ABTB2: variants seen among roughly 807,000 people sequenced by gnomAD.
The protein encoded by ABTB2 is ankyrin repeat and BTB/POZ domain-containing protein 2.
ABTB2 carries 56 observed loss-of-function variants against 104.1 expected under a neutral mutation model. The ratio of observed to expected loss-of-function variants is 0.54; its 90% CI spans 0.43 to 0.67. The LOEUF is 0.67. ABTB2 is among the 30% of genes least tolerant of loss of function. The pLI, the probability that ABTB2 is intolerant of heterozygous loss-of-function variation, is 0.00. For synonymous variants in ABTB2, 606 were observed against 608.2 expected (o/e 1.00, Z 0.05); for missense variants, 1,279 against 1,407.7 (o/e 0.91, Z 1.46).
At chr11:34,335,033 T>A (rs1855177088) in intron 1 of ABTB2, 1 of 621,596 alleles carries the variant, frequency 1.6e-6, no homozygotes, top group Admixed American at 2.8e-5. Context: ...AAGTATATTT[T>A]AAAAACTTTA....
At chr11:34,185,535 G>T (rs1468010925) in intron 3 of ABTB2, among the ~76,000 whole-genome samples, 2 of 151,302 alleles carry the variant, frequency 1.3e-5, no homozygotes, top group Non-Finnish European at 2.9e-5. Context: ...CTGCGAGGGA[G>T]ATATACTTAT....
intron 1 of ABTB2, among the ~76,000 whole-genome samples, chr11:34,346,316 T>G (rs945065539): frequency 6.6e-6 from 1 of 152,076 alleles, no homozygotes; most frequent in Non-Finnish European, 1.5e-5. Flanking sequence ...TATCCAAGTC[T>G]GGGTAGGCGG....
chr11:34,287,185 G>GAA (rs34599793), intron 1 of ABTB2, among the ~76,000 whole-genome samples: 156 of 105,944 alleles, frequency 1.5e-3, no homozygotes, highest in South Asian at 0.012. Context: ...TGTCTTTATT[G>GAA]AAAAAAAAAA....
At chr11:34,225,670 G>A (rs1164458292) in intron 1 of ABTB2, among the ~76,000 whole-genome samples, 4 of 152,042 alleles carry the variant, frequency 2.6e-5, no homozygotes, top group African/African-American at 9.7e-5. Context: ...CAGGAGAATT[G>A]CTTGAACCAG....
intron 1 of ABTB2, among the ~76,000 whole-genome samples, chr11:34,345,348 C>T (rs1564937674): frequency 6.6e-6 from 1 of 152,210 alleles, no homozygotes; most frequent in Non-Finnish European, 1.5e-5. Flanking sequence ...ATTCCCCTCA[C>T]TCTGCCTCAT....
At chr11:34,156,350 G>C (rs563601999) in intron 14 of ABTB2, among the ~76,000 whole-genome samples, 7 of 152,236 alleles carry the variant, frequency 4.6e-5, no homozygotes, top group Admixed American at 2.6e-4. Context: ...GTGCCTCCTG[G>C]AGCCAGGCAG....
chr11:34,172,370 TCAAAA>T (rs1379710999), intron 4 of ABTB2, among the ~76,000 whole-genome samples: 12 of 34,976 alleles, frequency 3.4e-4, no homozygotes, highest in African/African-American at 1.0e-3. Context: ...AAACTCTGTC[TCAAAA>T]AAAAAAAAAA....
chr11:34,285,234 G>T lies in ABTB2; in HGVS notation c.883+71467C>A, dbSNP rs79428382. On this transcript the variant is annotated intron_variant, in intron 1 of 16. Transcript: ENST00000435224. ...TGCTGTACAAGTGGACAGTGGGGGA[G>T]GGGAGGTTTCCCCGAGGCTGGATGA... Among the ~76,000 whole-genome samples the T allele has an allele frequency of 6.0e-3, 908 of 152,276 alleles. 24 individuals carry two copies. Among genetic ancestry groups the T allele is most frequent in the Admixed American group, 0.042 (635 of 15,292 alleles).
At chr11:34,308,957 C>T (rs538255776) in intron 1 of ABTB2, among the ~76,000 whole-genome samples, 3 of 151,538 alleles carry the variant, frequency 2.0e-5, no homozygotes, top group Admixed American at 2.0e-4. Flanking sequence ...GCTTTGGTCT[C>T]GAAGAATTAA....
chr11:34,294,015 C>A (rs1430291326), intron 1 of ABTB2, among the ~76,000 whole-genome samples: 1 of 152,162 alleles, frequency 6.6e-6, no homozygotes, highest in Non-Finnish European at 1.5e-5. Context: ...TTGCAACATT[C>A]TATACATCTG....
intron 3 of ABTB2, among the ~76,000 whole-genome samples, chr11:34,185,073 A>T (rs897717171): frequency 2.0e-5 from 3 of 152,178 alleles, no homozygotes; most frequent in Non-Finnish European, 2.9e-5. Context: ...GGCTCTTGGG[A>T]TAGGTAATCC....
rs144331497 is a variant in ABTB2 at position 34,273,881 on chromosome 11, G to A, written c.884-69191C>T. Among the ~76,000 whole-genome samples the A allele has an allele frequency of 3.9e-3, 591 of 152,106 alleles. 4 individuals are homozygous for A. Among genetic ancestry groups the A allele is most frequent in the African/African-American group, 6.9e-3 (286 of 41,478 alleles). On this transcript the variant is annotated intron_variant, in intron 1 of 16. Coordinates refer to ENST00000435224, the MANE Select transcript of ABTB2 (RefSeq NM_145804.3). ...AAAATAATGATATTTGGCCGGGCGC[G>A]GTGGCTCACGCCTGTAATCCCAGCA...
At chr11:34,320,361 T>C (rs1009211148) in intron 1 of ABTB2, among the ~76,000 whole-genome samples, 2 of 152,178 alleles carry the variant, frequency 1.3e-5, no homozygotes, top group African/African-American at 2.4e-5. Flanking sequence ...CCTGGGGGAA[T>C]TGAAGTCAGA....
chr11:34,349,118 G>C (rs539721063), intron 1 of ABTB2, among the ~76,000 whole-genome samples: 1 of 152,180 alleles, frequency 6.6e-6, no homozygotes, highest in Non-Finnish European at 1.5e-5. Flanking sequence ...TTTAAAACAA[G>C]CAGGAAGACC....
chr11:34,158,140 C>T (rs116901336), intron 14 of ABTB2, among the ~76,000 whole-genome samples: 6,471 of 152,316 alleles, frequency 0.042, 198 homozygotes, highest in Non-Finnish European at 0.058. Flanking sequence ...AGAGGCTGGG[C>T]GCAGTGGCTC....
intron 3 of ABTB2, among the ~76,000 whole-genome samples, chr11:34,176,601 C>A (rs1265971085): frequency 1.3e-5 from 2 of 152,200 alleles, no homozygotes; most frequent in Admixed American, 6.5e-5. Context: ...ATGATCGCAC[C>A]ACTCCCCTGC....
intron 1 of ABTB2, among the ~76,000 whole-genome samples, chr11:34,319,296 C>T (rs1051855261): frequency 1.3e-5 from 2 of 152,258 alleles, no homozygotes; most frequent in East Asian, 3.8e-4. Flanking sequence ...AGACCTCCCC[C>T]TTTGTGATAA....
intron 1 of ABTB2, among the ~76,000 whole-genome samples, chr11:34,355,436 G>C (rs965006383): frequency 2.0e-5 from 3 of 152,124 alleles, no homozygotes; most frequent in African/African-American, 7.2e-5. Context: ...TGGGTACCTT[G>C]GTTTCCTTAT....
intron 8 of ABTB2, 151 bp from the exon 9 acceptor site, chr11:34,164,972 T>G: frequency 9.2e-7 from 1 of 1,091,884 alleles, no homozygotes; most frequent in Non-Finnish European, 1.3e-6. Flanking sequence ...GTGGACGAAG[T>G]GAAGGGAGAG....
Sources: gnomAD v4.1 joint callset for allele counts (sites outside exome capture counted in the v4.1 genomes callset) on GRCh38, gnomAD v4.1.1 for gene constraint, MANE v1.5 for transcripts, NCBI Gene and HGNC (gene_info 2026-07-23, HGNC 2026-07-21) for gene names.